PHACTR3: variants seen among roughly 807,000 people sequenced by gnomAD.
PHACTR3 encodes the protein protein phosphatase 1, regulatory subunit 123.
In PHACTR3, 16 loss-of-function variants were observed where a neutral mutation model predicts 66.8. That is an observed-to-expected ratio of 0.24 (90% confidence interval 0.16 to 0.36). PHACTR3 has a LOEUF of 0.36. Ranked by LOEUF, PHACTR3 falls within the 10% of genes least tolerant of loss-of-function variation. PHACTR3 has a pLI of 1.00. For synonymous variants in PHACTR3, 323 were observed against 292.1 expected (o/e 1.11, Z -1.08); for missense variants, 647 against 719.9 (o/e 0.90, Z 1.16).
intron 7 of PHACTR3, among the ~76,000 whole-genome samples, chr20:59,788,095 T>C (rs2426837): frequency 0.97 from 148,285 of 152,184 alleles, 72,273 homozygotes; most frequent in East Asian, 1. Context: ...TCTTTTATCC[T>C]TTGCCCCCCT....
intron 1 of PHACTR3, among the ~76,000 whole-genome samples, chr20:59,648,409 GGTA>G (rs1459509099): frequency 6.6e-6 from 1 of 152,200 alleles, no homozygotes; most frequent in Non-Finnish European, 1.5e-5. Context: ...TTGGGCAAGG[GGTA>G]GGTCCCTTGA....
rs1034592692 is a variant in PHACTR3 at position 59,631,091 on chromosome 20, A to G, written c.118+25959A>G. On this transcript the variant is annotated intron_variant, in intron 1 of 12. Transcript: ENST00000371015. ...AAAGTGTGCGTTGAGCAGGGCTGAAAGAGGCATAGACCTCCCATACTGGGA... is the reference window on the plus strand; with the variant it reads ...AAAGTGTGCGTTGAGCAGGGCTGAAGGAGGCATAGACCTCCCATACTGGGA... 2.6e-5 allele frequency among the ~76,000 whole-genome samples: 4 copies of G among 152,216 alleles called. No homozygotes were observed. In the East Asian group the frequency reaches 7.7e-4, roughly 29 times the overall value.
At chr20:59,825,384 A>G (rs2145439314) in intron 8 of PHACTR3, among the ~76,000 whole-genome samples, 1 of 152,306 alleles carries the variant, frequency 6.6e-6, no homozygotes, top group Middle Eastern at 3.4e-3. Context: ...ATGCATTCAG[A>G]CACTCATTCA....
chr20:59,835,798 CTG>C, intron 8 of PHACTR3: 1 of 152,310 alleles, frequency 6.6e-6, no homozygotes, highest in East Asian at 1.9e-4. Flanking sequence ...TCCGTCTGGG[CTG>C]ATGGTGGGAG....
chr20:59,621,328 C>T (rs989313910), intron 1 of PHACTR3, among the ~76,000 whole-genome samples: 2 of 152,238 alleles, frequency 1.3e-5, no homozygotes, highest in Admixed American at 1.3e-4. Flanking sequence ...TTGGGGCTTG[C>T]CCAGACTCCT....
intron 1 of PHACTR3, among the ~76,000 whole-genome samples, chr20:59,731,292 A>C (rs1325595098): frequency 1.3e-5 from 2 of 152,212 alleles, no homozygotes; most frequent in African/African-American, 4.8e-5. Context: ...AGAAGTTTGT[A>C]AAAGCAGCTT....
At chr20:59,822,969 G>A (rs926380960) in intron 8 of PHACTR3, among the ~76,000 whole-genome samples, 4 of 152,182 alleles carry the variant, frequency 2.6e-5, no homozygotes, top group South Asian at 2.1e-4. Context: ...GGCCCTGCCC[G>A]AGCAAAAGAT....
chr20:59,681,388 G>A (rs187118967), intron 1 of PHACTR3, among the ~76,000 whole-genome samples: 10 of 151,764 alleles, frequency 6.6e-5, no homozygotes, highest in Admixed American at 4.6e-4. Context: ...ACTTTTTCAC[G>A]TGTCCAAAAA....
At chr20:59,797,900 A>G (rs1474890259) in intron 7 of PHACTR3, among the ~76,000 whole-genome samples, 1 of 151,802 alleles carries the variant, frequency 6.6e-6, no homozygotes, top group African/African-American at 2.4e-5. Context: ...GTTTTACATC[A>G]GTGTTTTTCA....
chr20:59,647,814 G>T (rs1314895434), intron 1 of PHACTR3, among the ~76,000 whole-genome samples: 1 of 152,232 alleles, frequency 6.6e-6, no homozygotes, highest in Non-Finnish European at 1.5e-5. Flanking sequence ...TAATGTGCTT[G>T]TGAATCTCAA....
chr20:59,719,351 G>C (rs2038207922), intron 1 of PHACTR3, among the ~76,000 whole-genome samples: 1 of 152,112 alleles, frequency 6.6e-6, no homozygotes, highest in South Asian at 2.1e-4. Flanking sequence ...TTTTAGTAGA[G>C]ACAGGGTTTT....
At chr20:59,702,296 ATCT>A (rs1206981848) in intron 1 of PHACTR3, among the ~76,000 whole-genome samples, 1 of 151,640 alleles carries the variant, frequency 6.6e-6, no homozygotes, top group Non-Finnish European at 1.5e-5. Context: ...CTCCCACTCC[ATCT>A]TCTTTCCCCA....
chr20:59,633,330 A>C (rs1342874630), intron 1 of PHACTR3, among the ~76,000 whole-genome samples: 4 of 152,220 alleles, frequency 2.6e-5, no homozygotes, highest in African/African-American at 9.6e-5. Context: ...CATAAAAAGG[A>C]ATGAGATCAT....
At chr20:59,667,838 G>T (rs2036044714) in intron 1 of PHACTR3, among the ~76,000 whole-genome samples, 2 of 152,204 alleles carry the variant, frequency 1.3e-5, no homozygotes, top group Non-Finnish European at 2.9e-5. Context: ...GCAGGTGTGT[G>T]TGATGGCCAT....
chr20:59,717,392 A>G (rs62203949), intron 1 of PHACTR3, among the ~76,000 whole-genome samples: 8,579 of 152,302 alleles, frequency 0.056, 287 homozygotes, highest in Non-Finnish European at 0.08. Flanking sequence ...ATACACACCT[A>G]ATTGGGATAC....
chr20:59,779,793 G>A (rs1053047632), intron 7 of PHACTR3, among the ~76,000 whole-genome samples: 2 of 152,234 alleles, frequency 1.3e-5, no homozygotes, highest in Non-Finnish European at 2.9e-5. Context: ...ATGCACATGC[G>A]TGCCCACACA....
chr20:59,769,456 A>G (rs1007860758), intron 5 of PHACTR3, among the ~76,000 whole-genome samples: 3 of 152,162 alleles, frequency 2.0e-5, no homozygotes, highest in African/African-American at 7.2e-5. Context: ...TCCGGGGGAG[A>G]GGCCTGGGAC....
At chr20:59,794,414 A>G (rs1449490346) in intron 7 of PHACTR3, among the ~76,000 whole-genome samples, 1 of 152,060 alleles carries the variant, frequency 6.6e-6, no homozygotes, top group African/African-American at 2.4e-5. Flanking sequence ...ATGTTGAAGG[A>G]TCTTTTTAAA....
At chr20:59,653,304 C>T (rs2035516150) in intron 1 of PHACTR3, among the ~76,000 whole-genome samples, 1 of 151,870 alleles carries the variant, frequency 6.6e-6, no homozygotes, top group African/African-American at 2.4e-5. Context: ...CCTGTCTCAG[C>T]CTTCTAAGTA....
Sources: gnomAD v4.1 joint callset for allele counts (sites outside exome capture counted in the v4.1 genomes callset) on GRCh38, gnomAD v4.1.1 for gene constraint, MANE v1.5 for transcripts, NCBI Gene and HGNC (gene_info 2026-07-23, HGNC 2026-07-21) for gene names.